Variants in ERI1 observed in about 807,000 individuals in gnomAD.
The protein encoded by ERI1 is exoribonuclease 1, also known as 3'-5' exoribonuclease 1.
Under a neutral mutation model 39.7 loss-of-function variants are expected in ERI1, and 39 were observed. The ratio of observed to expected loss-of-function variants is 0.98; its 90% confidence interval spans 0.76 to 1.28. The LOEUF (loss-of-function observed/expected upper bound fraction) is 1.28. ERI1 is among the 50% of genes most tolerant of loss of function. The pLI, the probability that ERI1 is intolerant of heterozygous loss-of-function variation, is 0.00. For missense variants in ERI1, 581 were observed against 416.9 expected, an observed-to-expected ratio of 1.39 and a Z score of -3.43; for synonymous variants, 204 against 149.6, an observed-to-expected ratio of 1.36 and a Z score of -2.65.
At chr8:9,019,947 A>G (rs757624443) in intron 5 of ERI1, among the ~76,000 whole-genome samples, 1 of 152,192 alleles carries the variant, frequency 6.6e-6, no homozygotes, top group Non-Finnish European at 1.5e-5. Context: ...AACAGATTGT[A>G]TTTTAACCAT....
chr8:9,093,442 A>T (rs1258757545), intron 3 of ERI1, among the ~76,000 whole-genome samples: 2 of 151,760 alleles, frequency 1.3e-5, no homozygotes, highest in Non-Finnish European at 2.9e-5. Context: ...ACCCATTACA[A>T]ATATAGACAC....
chr8:9,053,288 A>T (rs1453439939), intron 3 of ERI1, among the ~76,000 whole-genome samples: 3 of 152,140 alleles, frequency 2.0e-5, no homozygotes, highest in Non-Finnish European at 4.4e-5. Flanking sequence ...AATTGCTGGG[A>T]TTATAGGCAA....
At chr8:9,013,942 G>A (rs1319649619) in intron 3 of ERI1, among the ~76,000 whole-genome samples, 1 of 152,132 alleles carries the variant, frequency 6.6e-6, no homozygotes, top group East Asian at 1.9e-4. Flanking sequence ...GTGACTTACT[G>A]CATTCGCCAC....
chr8:9,030,149 C>G lies in ERI1; in HGVS notation c.*115C>G, dbSNP rs749821457. 132 of 1,339,640 alleles carry G rather than the reference C, an allele frequency of 9.9e-5. 2 individuals carry two copies. The highest frequency in any genetic ancestry group is 2.9e-4 in the South Asian group (21 of 72,756). The allele number at this position is 1,339,640 out of a possible 1,614,324, so 83.0% of individuals were successfully genotyped here. A position where few individuals can be genotyped will look rare whatever the true frequency, so the allele number is the denominator to read the frequency against. Reference sequence around the variant, plus strand: ...TTAAGCACCTTAAAACATTTAAAATCTTATTACAGGTGATAGAGATAGATA... The same window carrying G: ...TTAAGCACCTTAAAACATTTAAAATGTTATTACAGGTGATAGAGATAGATA... On this transcript the variant is annotated 3_prime_UTR_variant, in exon 7 of 7. Transcript: ENST00000250263.
intron 6 of ERI1, among the ~76,000 whole-genome samples, chr8:9,029,530 C>T (rs1797435065): frequency 6.6e-6 from 1 of 152,090 alleles, no homozygotes; most frequent in African/African-American, 2.4e-5. Context: ...GGGGTGTCAC[C>T]ATGTTCGCCA....
intron 4 of ERI1, among the ~76,000 whole-genome samples, chr8:9,017,110 G>A (rs897989094): frequency 2.0e-5 from 3 of 152,022 alleles, no homozygotes; most frequent in African/African-American, 7.2e-5. Flanking sequence ...CACGATCTTG[G>A]CTCACTGCAA....
At chr8:9,082,036 C>A (rs548289439) in intron 3 of ERI1, among the ~76,000 whole-genome samples, 1 of 152,092 alleles carries the variant, frequency 6.6e-6, no homozygotes, top group African/African-American at 2.4e-5. Flanking sequence ...CTGTGTCCCC[C>A]CACCCCATTA....
At chr8:9,006,743 C>G (rs1367864791) in intron 1 of ERI1, among the ~76,000 whole-genome samples, 2 of 152,056 alleles carry the variant, frequency 1.3e-5, no homozygotes, top group East Asian at 3.9e-4. Flanking sequence ...ATGGACAGTT[C>G]ACACATTGGA....
At chr8:9,069,993 C>T (rs1342218394) in intron 3 of ERI1, among the ~76,000 whole-genome samples, 2 of 152,076 alleles carry the variant, frequency 1.3e-5, no homozygotes, top group African/African-American at 4.8e-5. Flanking sequence ...AATCCCAGCA[C>T]TTTGGGAGGC....
intron 3 of ERI1, among the ~76,000 whole-genome samples, chr8:9,066,045 T>C (rs1008655107): frequency 1.3e-5 from 2 of 152,188 alleles, no homozygotes; most frequent in African/African-American, 4.8e-5. Context: ...CCTCATCTTC[T>C]GCTTTGCGAT....
chr8:9,067,944 A>ACACG (rs1491121701), intron 3 of ERI1, among the ~76,000 whole-genome samples: 1 of 151,850 alleles, frequency 6.6e-6, no homozygotes, highest in Non-Finnish European at 1.5e-5. Flanking sequence ...ACACACACAC[A>ACACG]TATATGTATA....
rs1361275068 is a variant in ERI1 at position 9,029,896 on chromosome 8, A to C, written c.912A>C (p.Arg304=). The part of the protein sequence containing the change: ...CGLDDSKNIA[R]IAVRMLQDGC... ...TTGATGACTCTAAGAATATCGCCCG[A>C]ATAGCAGTTCGAATGCTTCAGGATG... The change falls in exon 7 of 7, where the codon CGA becomes CGC. Residue 304 remains arginine, a synonymous_variant. Transcript: ENST00000250263. 6.2e-7 allele frequency: 1 copy of C among 1,614,236 alleles called. No individual in the cohort carries two copies. The highest frequency in any genetic ancestry group is 1.7e-5 in the Admixed American group (1 of 60,028).
At chr8:9,049,353 A>AAAAAAAAAAAAAAAAAAAG in intron 3 of ERI1, among the ~76,000 whole-genome samples, 1 of 146,278 alleles carries the variant, frequency 6.8e-6, no homozygotes, top group Non-Finnish European at 1.5e-5. Context: ...AAAAAAAAAA[A>AAAAAAAAAAAAAAAAAAAG]AAAAAAAAAA....
chr8:9,097,353 C>T (rs1038138136), intron 3 of ERI1, among the ~76,000 whole-genome samples: 2 of 152,138 alleles, frequency 1.3e-5, no homozygotes, highest in Non-Finnish European at 2.9e-5. Context: ...CAAACAGGGC[C>T]TCTCTTCAGA....
chr8:9,086,041 A>T (rs1335174160), intron 3 of ERI1, among the ~76,000 whole-genome samples: 2 of 152,160 alleles, frequency 1.3e-5, no homozygotes, highest in Non-Finnish European at 2.9e-5. Flanking sequence ...TTATCCTACT[A>T]TTAGGAAATA....
intron 3 of ERI1, among the ~76,000 whole-genome samples, chr8:9,051,029 TA>T (rs1798339591): frequency 6.6e-6 from 1 of 152,088 alleles, no homozygotes; most frequent in African/African-American, 2.4e-5. Flanking sequence ...TTCTGGACTT[TA>T]AAATGATAGC....
At chr8:9,004,004 C>A in intron 1 of ERI1, 3 of 1,064,872 alleles carry the variant, frequency 2.8e-6, no homozygotes, top group Non-Finnish European at 3.8e-6. Flanking sequence ...CCATTTGCTG[C>A]TCTGCGGGGT....
At chr8:9,047,308 C>G (rs150446911) in intron 3 of ERI1, among the ~76,000 whole-genome samples, 1 of 152,172 alleles carries the variant, frequency 6.6e-6, no homozygotes, top group Admixed American at 6.5e-5. Flanking sequence ...GCTTACTCCA[C>G]TAATTAGCCT....
chr8:9,078,928 A>G (rs1477012130), intron 3 of ERI1, among the ~76,000 whole-genome samples: 1 of 152,192 alleles, frequency 6.6e-6, no homozygotes, highest in African/African-American at 2.4e-5. Context: ...AATCGCTACT[A>G]GTGCTGAGTG....
Sources: gnomAD v4.1 joint callset for allele counts (sites outside exome capture counted in the v4.1 genomes callset) on GRCh38, gnomAD v4.1.1 for gene constraint, MANE v1.5 for transcripts, NCBI Gene and HGNC (gene_info 2026-07-23, HGNC 2026-07-21) for gene names.